Variants in DCLRE1B observed in about 807,000 individuals in gnomAD.
DCLRE1B encodes the protein DNA cross-link repair 1B.
Under a neutral mutation model 19.8 loss-of-function variants are expected in DCLRE1B, and 6 were observed. The observed-to-expected ratio is 0.30, with a 90% CI of 0.17 to 0.60. DCLRE1B has a LOEUF of 0.60. DCLRE1B is among the 20% of genes least tolerant of loss of function. The probability of loss-of-function intolerance (pLI) is 0.87; values close to 1 mark genes in which losing one functional copy is unlikely to be tolerated. For synonymous variants in DCLRE1B, 258 were observed against 255.7 expected (o/e 1.01, Z -0.09); for missense variants, 622 against 654.2 (o/e 0.95, Z 0.54).
chr1:113,907,125 C>T lies in DCLRE1B; in HGVS notation c.319C>T (p.Leu107Phe). The change falls in exon 2 of 4, where the codon CTC becomes TTC. Residue 107 changes from leucine (L) to phenylalanine (F), a missense_variant. By Grantham distance (22) the Leu-to-Phe change is conservative. Transcript: ENST00000650450. ...TCACTGTCCTGGTTCTGTCATGTTT[C>T]TCTTTGAAGGATATTTTGGAACCAT... ...ANHCPGSVMF[L>F]FEGYFGTILY... 6.3e-7 allele frequency: 1 copy of T among 1,580,024 alleles called. No individual in the cohort carries two copies. The highest frequency in any genetic ancestry group is 8.6e-7 in the Non-Finnish European group (1 of 1,160,288).
rs1281015159 is a variant in DCLRE1B at position 113,912,690 on chromosome 1, G to A, written c.*499G>A. 1 of 152,750 alleles carries A rather than the reference G, an allele frequency of 6.5e-6. No homozygotes were observed. Among genetic ancestry groups the A allele is most frequent in the Non-Finnish European group, 1.5e-5 (1 of 68,402 alleles). The allele number at this position is 152,750 out of a possible 1,614,324, so 9.5% of individuals were successfully genotyped here. A position where few individuals can be genotyped will look rare whatever the true frequency, so the allele number is the denominator to read the frequency against. On this transcript the variant is annotated 3_prime_UTR_variant, in exon 4 of 4. Coordinates refer to ENST00000650450, the MANE Select transcript of DCLRE1B (RefSeq NM_022836.4). Reference sequence around the variant, plus strand: ...TTCTATTTTTAAAATTATGAACTATGGCGCTGCATGCTTCAATCCTGAACG... The same window carrying A: ...TTCTATTTTTAAAATTATGAACTATAGCGCTGCATGCTTCAATCCTGAACG...
intron 3 of DCLRE1B, 126 bp from the exon 4 acceptor site, chr1:113,911,005 T>G (rs78140473): frequency 1.3e-4 from 112 of 887,458 alleles, no homozygotes; most frequent in Non-Finnish European, 1.6e-4. Flanking sequence ...TTCCTTGATA[T>G]TCTCCCTGGA....
chr1:113,911,606 G>A lies in DCLRE1B; in HGVS notation c.1014G>A (p.Trp338Ter). The change falls in exon 4 of 4, where the codon TGG becomes TGA. Residue 338 changes from tryptophan (W) to a stop codon, truncating the protein, a stop_gained. Coordinates refer to ENST00000650450, the MANE Select transcript of DCLRE1B (RefSeq NM_022836.4). LOFTEE classifies it low-confidence loss of function (END_TRUNC). ...CCTCTAGAAAACCAAGCCTTCTCTGGCTGTTAGAAAGGAGGCTAAAGAGGC... is the reference window on the plus strand; with the variant it reads ...CCTCTAGAAAACCAAGCCTTCTCTGACTGTTAGAAAGGAGGCTAAAGAGGC... ...SSSSRKPSLL[W>*]LLERRLKRPR... is the part of the protein sequence containing the mutation. 2 of 1,597,182 alleles carry A rather than the reference G, an allele frequency of 1.3e-6. No homozygotes were observed. Among genetic ancestry groups the A allele is most frequent in the South Asian group, 2.3e-5 (2 of 88,562 alleles).
In DCLRE1B at chr1:113,913,317, C is replaced by T. The variant is rs915707514; in HGVS notation, c.*1126C>T. The T allele has an allele frequency of 1.3e-5, 2 of 152,728 alleles. No individual in the cohort carries two copies. Among genetic ancestry groups the T allele is most frequent in the Admixed American group, 6.5e-5 (1 of 15,268 alleles). 9.5% of individuals were successfully genotyped at this position (152,728 alleles called of 1,614,324 possible). ...TCAAAACTGCTTTGGGATGGAACCT[C>T]GAGCCCTAGCAGTGAAGAAGATTCC... On this transcript the variant is annotated 3_prime_UTR_variant, in exon 4 of 4. Transcript: ENST00000650450.
In DCLRE1B at chr1:113,905,360, C is replaced by T. The variant is rs540372340; in HGVS notation, c.-227C>T. ...GCCCGGCTCGGCCTCCGCTCCCGCGCGGTTGGGAGTGTCCAGCGCCCTCCG... is the reference window on the plus strand; with the variant it reads ...GCCCGGCTCGGCCTCCGCTCCCGCGTGGTTGGGAGTGTCCAGCGCCCTCCG... On this transcript the variant is annotated 5_prime_UTR_variant, in exon 1 of 4. Coordinates refer to ENST00000650450, the MANE Select transcript of DCLRE1B (RefSeq NM_022836.4). The T allele has an allele frequency of 5.5e-6, 3 of 541,262 alleles. No individual in the cohort carries two copies. Among genetic ancestry groups the T allele is most frequent in the African/African-American group, 1.9e-5 (1 of 51,692 alleles). 33.5% of individuals were successfully genotyped at this position (541,262 alleles called of 1,614,324 possible).
At position 113,913,741 on chromosome 1, in the gene DCLRE1B, G is replaced by C. The variant is rs1443540374; in HGVS notation, c.*1550G>C. ...TCTGGTTCTTGAAAGAAATTAATCTGTATATAACATAAGAAACTTTGAAAG... is the reference window on the plus strand; with the variant it reads ...TCTGGTTCTTGAAAGAAATTAATCTCTATATAACATAAGAAACTTTGAAAG... On this transcript the variant is annotated 3_prime_UTR_variant, in exon 4 of 4. Transcript: ENST00000650450. 1.3e-5 allele frequency: 2 copies of C among 151,636 alleles called. No individual in the cohort carries two copies. Among genetic ancestry groups the C allele is most frequent in the Non-Finnish European group, 2.9e-5 (2 of 67,918 alleles). The allele number at this position is 151,636 out of a possible 1,614,324, so 9.4% of individuals were successfully genotyped here.
rs375864076 is a variant in DCLRE1B, at chr1:113,908,259, A to T, written c.538+68A>T. Reference sequence around the variant, plus strand: ...AACTAGATTCTTTAAGGATTCTCACATCTTTCAGATCTTTGTGCAGTTCTC... The same window carrying T: ...AACTAGATTCTTTAAGGATTCTCACTTCTTTCAGATCTTTGTGCAGTTCTC... On this transcript the variant is annotated intron_variant, in intron 3 of 3. Transcript: ENST00000650450. 8 of 1,545,528 alleles carry T rather than the reference A, an allele frequency of 5.2e-6. No individual in the cohort carries two copies. The African/African-American group carries it at 6.9e-5, about 13-fold the overall frequency.
At chr1:113,907,304 C>G in intron 2 of DCLRE1B, 143 bp downstream of exon 2, 1 of 744,074 alleles carries the variant, frequency 1.3e-6, no homozygotes, top group Non-Finnish European at 2.0e-6. Flanking sequence ...GCAATCCTCC[C>G]GCTTCAGCCT....
intron 2 of DCLRE1B, 113 bp downstream of exon 2, chr1:113,907,274 T>A: frequency 2.0e-6 from 2 of 1,002,542 alleles, no homozygotes; most frequent in Non-Finnish European, 1.4e-6. Context: ...CCGAGGCTGG[T>A]CTCAAACTCC....
At chr1:113,904,636 G>A (rs959753197), upstream of DCLRE1B, 29 of 1,613,640 alleles carry the variant, frequency 1.8e-5, no homozygotes, top group Non-Finnish European at 2.3e-5. Context: ...TTCCGGTAGC[G>A]CAGCCTATCA....
chr1:113,908,534 G>A (rs141062352), intron 3 of DCLRE1B, among the ~76,000 whole-genome samples: 50 of 152,276 alleles, frequency 3.3e-4, no homozygotes, highest in African/African-American at 1.2e-3. Context: ...CCTGGGTCCA[G>A]TAGGAGGTCA....
upstream of DCLRE1B, chr1:113,905,194 C>G (rs1448452744): frequency 3.0e-6 from 1 of 336,404 alleles, no homozygotes; most frequent in Non-Finnish European, 5.6e-6. Flanking sequence ...AAGCGTAGTC[C>G]CGACTCCGAC....
In DCLRE1B at chr1:113,911,939, G is replaced by T. The variant is rs777030988; in HGVS notation, c.1347G>T (p.Glu449Asp). 1.4e-5 allele frequency: 22 copies of T among 1,614,102 alleles called. No homozygotes were observed. In the African/African-American group the frequency reaches 2.5e-4, roughly 19 times the overall value. ...DEEFISQKTR[E>D]EIGLGSPLVP... is the part of the protein sequence containing the mutation. ...AGTTTATTTCTCAAAAAACCAGGGA[G>T]GAAATTGGTTTAGGGTCCCCCTTGG... is the stretch of plus-strand genomic sequence containing the variant. Residue 449 changes from glutamate to aspartate, a missense_variant, in exon 4 of 4, where the codon GAG (glutamate) becomes GAT (aspartate). By Grantham distance (45) the Glu-to-Asp change is conservative. Around this residue, in one of 3 missense-constraint regions of DCLRE1B, gnomAD observed 382 missense variants for 412.5 expected, o/e 0.93. Transcript: ENST00000650450.
At position 113,912,276 on chromosome 1, in the gene DCLRE1B, T is replaced by C; in HGVS notation, c.*85T>C. On this transcript the variant is annotated 3_prime_UTR_variant, in exon 4 of 4. Transcript: ENST00000650450. Reference sequence around the variant, plus strand: ...TGATGGCTGGTGGGAAAGAGTTTGTTTTTGGGGCCTACTTTTCTATCTTTA... The same window carrying C: ...TGATGGCTGGTGGGAAAGAGTTTGTCTTTGGGGCCTACTTTTCTATCTTTA... 9 of 1,370,648 alleles carry C rather than the reference T, an allele frequency of 6.6e-6. No homozygotes were observed. The highest frequency in any genetic ancestry group is 7.9e-6 in the Non-Finnish European group (8 of 1,017,136). The allele number at this position is 1,370,648 out of a possible 1,614,324, so 84.9% of individuals were successfully genotyped here. A position where few individuals can be genotyped will look rare whatever the true frequency, so the allele number is the denominator to read the frequency against.
chr1:113,910,067 C>G (rs977320882), intron 3 of DCLRE1B, among the ~76,000 whole-genome samples: 1 of 152,162 alleles, frequency 6.6e-6, no homozygotes, highest in South Asian at 2.1e-4. Context: ...ATTAATGTCT[C>G]CATTTCTTTC....
At chr1:113,907,718 C>T (rs552540812) in intron 2 of DCLRE1B, among the ~76,000 whole-genome samples, 1 of 152,254 alleles carries the variant, frequency 6.6e-6, no homozygotes, top group Non-Finnish European at 1.5e-5. Context: ...AGGTGATCCA[C>T]CTGGCTCGGC....
At chr1:113,905,910 T>C in intron 1 of DCLRE1B, 135 bp downstream of exon 1, 1 of 985,596 alleles carries the variant, frequency 1.0e-6, no homozygotes, top group East Asian at 2.7e-5. Context: ...AATGCATCTT[T>C]AACCCAGAAT....
rs1472311363 is a variant in DCLRE1B, at chr1:113,908,090, A to G, written c.437A>G (p.Asn146Ser). The change falls in exon 3 of 4, where the codon AAC becomes AGC. Residue 146 changes from asparagine to serine, a missense_variant. Physicochemically the swap from Asn to Ser is conservative, Grantham distance 46. Coordinates refer to ENST00000650450, the MANE Select transcript of DCLRE1B (RefSeq NM_022836.4). ...GKQIHTLYLD[N>S]TNCNPALVLP... The stretch of plus-strand genomic sequence containing the variant: ...CAGATCCATACTTTATACCTAGACA[A>G]CACCAATTGCAATCCAGCCCTGGTT... The G allele has an allele frequency of 2.5e-6, 4 of 1,614,076 alleles. No individual in the cohort carries two copies. The highest frequency in any genetic ancestry group is 1.7e-6 in the Non-Finnish European group (2 of 1,180,044).
chr1:113,912,129 C>T lies in DCLRE1B; in HGVS notation c.1537C>T (p.Gln513Ter). 1 of 1,614,140 alleles carries T rather than the reference C, an allele frequency of 6.2e-7. No individual in the cohort carries two copies. ...KYLLTPVNFF[Q>*]AGYSSRRFDQ... ...TCTTCTGACTCCAGTGAACTTTTTC[C>T]AGGCAGGGTATTCTTCCAGGAGATT... Residue 513 changes from glutamine to a stop codon, truncating the protein, a stop_gained, in exon 4 of 4, where the codon CAG becomes TAG. Coordinates refer to ENST00000650450, the MANE Select transcript of DCLRE1B (RefSeq NM_022836.4). LOFTEE classifies it high-confidence loss of function.
Sources: allele counts gnomAD v4.1 joint callset (sites outside exome capture counted in the v4.1 genomes callset), GRCh38; gene constraint gnomAD v4.1.1; regional missense constraint gnomAD v4.1.1; transcripts MANE v1.5; gene names NCBI Gene and HGNC (gene_info 2026-07-23, HGNC 2026-07-21).